The following RUNX3 variants were observed in gnomAD, a reference collection of about 807,000 sequenced individuals.
RUNX3 encodes the protein RUNX family transcription factor 3.
RUNX3 carries 10 observed loss-of-function variants against 27.7 expected under a neutral mutation model. The ratio of observed to expected loss-of-function variants is 0.36; its 90% CI spans 0.22 to 0.61. The LOEUF (loss-of-function observed/expected upper bound fraction) is 0.61. Among genes scored for constraint, RUNX3 ranks in the 20% least tolerant of loss-of-function variants. RUNX3 has a pLI of 0.72. For missense variants in RUNX3, 469 were observed against 629.5 expected, an observed-to-expected ratio of 0.75 and a Z score of 2.73; for synonymous variants, 270 against 269.2, an observed-to-expected ratio of 1.00 and a Z score of -0.03.
intron 2 of RUNX3, among the ~76,000 whole-genome samples, chr1:24,939,610 AGCTCTGGGAGGAGTCGAACCCTG>A (rs1212009939): frequency 6.6e-6 from 1 of 152,256 alleles, no homozygotes; most frequent in Non-Finnish European, 1.5e-5. Flanking sequence ...TCTACAGAGC[AGCTCTGGGAGGAGTCGAACCCTG>A]GCTCTGGAAG....
exon 2 of RUNX3, chr1:24,964,641 GTTGTT>G (rs1382959610): frequency 6.5e-7 from 1 of 1,546,574 alleles, no homozygotes; most frequent in Non-Finnish European, 8.7e-7. Context: ...TTGGTTGGCT[GTTGTT>G]TTATTTTTTT....
In RUNX3 at chr1:24,902,228, A is replaced by T. The variant is rs1640569516; in HGVS notation, c.1142T>A (p.Leu381Gln). The T allele has an allele frequency of 6.3e-7, 1 of 1,574,868 alleles. No individual in the cohort carries two copies. Among genetic ancestry groups the T allele is most frequent in the African/African-American group, 1.3e-5 (1 of 74,580 alleles). The change falls in exon 5 of 5, where the codon CTG (leucine) becomes CAG (glutamine). Residue 381 changes from leucine (L) to glutamine (Q), a missense_variant. Transcript: ENST00000308873. This position sits in a 1 kb window ranked among gnomAD's most constrained non-coding sequence, Gnocchi z 9.2. Reference sequence around the variant, plus strand: ...CTCCACGCCATCACTCTGGCCGCCCAGGCTGGGGTTCATGAGGTTGCCGGC... The same window carrying T: ...CTCCACGCCATCACTCTGGCCGCCCTGGCTGGGGTTCATGAGGTTGCCGGC... ...VAAGNLMNPS[L>Q]GGQSDGVEAD...
Position 24,960,209 on chromosome 1 carries a change from G to A in RUNX3, c.58+4305C>T, listed in dbSNP as rs542299646. ...TGGAGATCCTGACCCAGTTTCCCCCGGGCTCCCAGTACAAGGCCATGCTCA... is the reference window on the plus strand; with the variant it reads ...TGGAGATCCTGACCCAGTTTCCCCCAGGCTCCCAGTACAAGGCCATGCTCA... On this transcript the variant is annotated intron_variant, in intron 2 of 6. Coordinates refer to the RUNX3 transcript ENST00000338888. Among the ~76,000 whole-genome samples, 489 of 152,288 alleles carry A rather than the reference G, an allele frequency of 3.2e-3. 1 individual carries two copies. Among genetic ancestry groups the A allele is most frequent in the Non-Finnish European group, 5.8e-3 (397 of 68,024 alleles).
chr1:24,945,706 T>C (rs1470264711), intron 2 of RUNX3, among the ~76,000 whole-genome samples: 1 of 152,226 alleles, frequency 6.6e-6, no homozygotes, highest in African/African-American at 2.4e-5. Context: ...CCCATTCCCC[T>C]GAACACTGTG....
chr1:24,948,793 G>A (rs988509834), intron 2 of RUNX3, among the ~76,000 whole-genome samples: 2 of 152,176 alleles, frequency 1.3e-5, no homozygotes, highest in Admixed American at 6.5e-5. Flanking sequence ...GGTACATGTG[G>A]GGAGGCCACA....
intron 2 of RUNX3, among the ~76,000 whole-genome samples, chr1:24,925,551 G>C (rs1302030505): frequency 6.6e-6 from 1 of 152,190 alleles, no homozygotes; most frequent in Non-Finnish European, 1.5e-5. Flanking sequence ...CTGAGGCACA[G>C]AGTGGTTAAG....
At position 24,901,036 on chromosome 1, in the gene RUNX3, G is replaced by GTTTTTTTTTTTTTTTTTTTT. The variant is rs3085849; in HGVS notation, c.*1085_*1086insAAAAAAAAAAAAAAAAAAAA. The GTTTTTTTTTTTTTTTTTTTT allele has an allele frequency of 3.3e-4, 39 of 116,892 alleles. No individual in the cohort carries two copies. The highest frequency in any genetic ancestry group is 4.8e-4 in the Non-Finnish European group (27 of 56,416). The allele number at this position is 116,892 out of a possible 1,614,324, so 7.2% of individuals were successfully genotyped here. ...TGTTTTGTTTTTTTTTTGTTTTTTTGTTTTTTTTTTTTTTTTGCTCAGGAC... is the reference window on the plus strand; with the variant it reads ...TGTTTTGTTTTTTTTTTGTTTTTTTGTTTTTTTTTTTTTTTTTTTTTTTTTTTTTTTTTTTTGCTCAGGAC... On this transcript the variant is annotated 3_prime_UTR_variant, in exon 5 of 5. Transcript: ENST00000308873.
chr1:24,911,781 G>A (rs1034101051), intron 3 of RUNX3, among the ~76,000 whole-genome samples: 3 of 152,032 alleles, frequency 2.0e-5, no homozygotes, highest in Non-Finnish European at 2.9e-5. Context: ...CGGGGCCACC[G>A]AGGCTTCACC....
chr1:24,955,048 A>G (rs75123226), intron 2 of RUNX3, among the ~76,000 whole-genome samples: 1,730 of 152,206 alleles, frequency 0.011, 34 homozygotes, highest in African/African-American at 0.039. Context: ...ATCTCCATGT[A>G]ATCCTTTTGT....
chr1:24,962,866 G>A lies in RUNX3; in HGVS notation c.58+1648C>T, dbSNP rs1315162727. The A allele has an allele frequency of 6.6e-6, 1 of 152,242 alleles. No homozygotes were observed. Among genetic ancestry groups the A allele is most frequent in the African/African-American group, 2.4e-5 (1 of 41,456 alleles). The allele number at this position is 152,242 out of a possible 1,614,324, so 9.4% of individuals were successfully genotyped here. A position where few individuals can be genotyped will look rare whatever the true frequency, so the allele number is the denominator to read the frequency against. On this transcript the variant is annotated intron_variant, in intron 2 of 6. Coordinates refer to the RUNX3 transcript ENST00000338888. The surrounding 1 kb of genome is among the most constrained non-coding windows in gnomAD (Gnocchi z 4.5). ...CGGGGCTCTAGCCCTGTCTCCCAAG[G>A]TTCCTTTGTTTTAAACCCTACATTT...
intron 2 of RUNX3, among the ~76,000 whole-genome samples, chr1:24,960,675 G>C (rs1025654251): frequency 6.6e-6 from 1 of 152,090 alleles, no homozygotes; most frequent in Non-Finnish European, 1.5e-5. Flanking sequence ...TGTGAGGGGG[G>C]GGTGCCCCAG....
intron 2 of RUNX3, among the ~76,000 whole-genome samples, chr1:24,935,411 C>A (rs1182069629): frequency 6.6e-6 from 1 of 152,090 alleles, no homozygotes; most frequent in East Asian, 1.9e-4. Flanking sequence ...CCGCGGGGCG[C>A]CAGCTCCCTT....
intron 2 of RUNX3, among the ~76,000 whole-genome samples, chr1:24,920,811 G>C (rs752834612): frequency 5.9e-5 from 9 of 152,104 alleles, no homozygotes; most frequent in Non-Finnish European, 2.9e-5. Context: ...ATTTACTTTC[G>C]ACAGTCTTCT....
rs1296430678 is a variant in RUNX3 at position 24,943,911 on chromosome 1, T to G, written c.59-14059A>C. ...AAGCCTCTTCCTTCTCATCTTGCAG[T>G]ACTCTAAGAAGAGTTTGGCCTTTGA... is the stretch of plus-strand genomic sequence containing the variant. On this transcript the variant is annotated intron_variant, in intron 2 of 6. Transcript: ENST00000338888. This position sits in a 1 kb window ranked among gnomAD's most constrained non-coding sequence, Gnocchi z 4.6. 2.8e-4 allele frequency among the ~76,000 whole-genome samples: 42 copies of G among 152,334 alleles called. No individual in the cohort carries two copies. Among genetic ancestry groups the G allele is most frequent in the Non-Finnish European group, 7.3e-5 (5 of 68,032 alleles).
intron 2 of RUNX3, among the ~76,000 whole-genome samples, chr1:24,936,064 C>T (rs534502368): frequency 2.2e-4 from 34 of 152,356 alleles, no homozygotes; most frequent in African/African-American, 8.2e-4. Context: ...CCATCAAACA[C>T]GGACTCTTCT....
chr1:24,950,203 C>T (rs1479792139), intron 2 of RUNX3, among the ~76,000 whole-genome samples: 1 of 152,212 alleles, frequency 6.6e-6, no homozygotes, highest in Non-Finnish European at 1.5e-5. Context: ...GACTCTCAAC[C>T]CACGGTGGTG....
intron 2 of RUNX3, among the ~76,000 whole-genome samples, chr1:24,940,382 C>A (rs996953596): frequency 6.6e-6 from 1 of 152,194 alleles, no homozygotes; most frequent in Non-Finnish European, 1.5e-5. Context: ...TCAGAGCATA[C>A]CAGCTCTGGG....
chr1:24,933,935 G>A (rs1298364194), upstream of RUNX3, among the ~76,000 whole-genome samples: 6 of 152,162 alleles, frequency 3.9e-5, no homozygotes, highest in Non-Finnish European at 8.8e-5. Context: ...AGAGGGACCC[G>A]TGGTGAAACC....
At chr1:24,960,339 A>C (rs1206518420) in intron 2 of RUNX3, among the ~76,000 whole-genome samples, 1 of 152,224 alleles carries the variant, frequency 6.6e-6, no homozygotes, top group African/African-American at 2.4e-5. Flanking sequence ...TAACCCCTAC[A>C]GATGAGGAAA....
Sources: allele counts gnomAD v4.1 joint callset (sites outside exome capture counted in the v4.1 genomes callset), GRCh38; gene constraint gnomAD v4.1.1; non-coding constraint Gnocchi (gnomAD v3.1); transcripts MANE v1.5; gene names NCBI Gene and HGNC (gene_info 2026-07-23, HGNC 2026-07-21).